The following PNMA2 variants were observed in gnomAD, a reference collection of about 807,000 sequenced individuals.
PNMA2 encodes the protein paraneoplastic antigen Ma2.
For missense variants in PNMA2, 455 were observed against 452.9 expected, an observed-to-expected ratio of 1.00 and a Z score of -0.04; for synonymous variants, 175 against 183.5, an observed-to-expected ratio of 0.95 and a Z score of 0.38.
At position 26,509,805 on chromosome 8, in the gene PNMA2, T is replaced by G. The variant is rs1001587815; in HGVS notation, c.-618-128A>C. Reference sequence around the variant, plus strand: ...CTACTCAATATTAAGTTGCTTTACCTCTTTGATTAACAAAACTAATGAGGA... The same window carrying G: ...CTACTCAATATTAAGTTGCTTTACCGCTTTGATTAACAAAACTAATGAGGA... On this transcript the variant is annotated intron_variant, in intron 1 of 2. Coordinates refer to ENST00000522362, the MANE Select transcript of PNMA2 (RefSeq NM_007257.6). The surrounding 1 kb of genome is among the most constrained non-coding windows in gnomAD (Gnocchi z 5.7). The G allele has an allele frequency of 6.6e-6, 1 of 152,214 alleles. No homozygotes were observed. Among genetic ancestry groups the G allele is most frequent in the Non-Finnish European group, 1.5e-5 (1 of 68,040 alleles). 9.4% of individuals were successfully genotyped at this position (152,214 alleles called of 1,614,324 possible). A position where few individuals can be genotyped will look rare whatever the true frequency, so the allele number is the denominator to read the frequency against.
At chr8:26,510,219 C>G (rs1379552466) in intron 1 of PNMA2, among the ~76,000 whole-genome samples, 2 of 152,198 alleles carry the variant, frequency 1.3e-5, no homozygotes, top group Non-Finnish European at 2.9e-5. Context: ...CTCTTGCTCC[C>G]TTTCTTGCCG....
In PNMA2 at chr8:26,507,796, C is replaced by T. The variant is rs375621804; in HGVS notation, c.960G>A (p.Pro320=). The change falls in exon 3 of 3, where the codon CCG becomes CCA. Residue 320 remains proline, a synonymous_variant. Coordinates refer to ENST00000522362, the MANE Select transcript of PNMA2 (RefSeq NM_007257.6). ...TCATTAGCTCAAGGAAGCTGGGGGG[C>T]GGGCCCTGATCCTTCAGCTCCCTAA... ...CRLRELKDQG[P]PPSFLELMKV... is the part of the protein sequence containing the mutation. 12 of 1,613,552 alleles carry T rather than the reference C, an allele frequency of 7.4e-6. No homozygotes were observed. Among genetic ancestry groups the T allele is most frequent in the Non-Finnish European group, 1.0e-5 (12 of 1,179,840 alleles).
At chr8:26,513,413 C>G (rs1808207018) in intron 1 of PNMA2, among the ~76,000 whole-genome samples, 1 of 151,914 alleles carries the variant, frequency 6.6e-6, no homozygotes, top group Non-Finnish European at 1.5e-5. Context: ...CCCCGTCACC[C>G]CAACCACACC....
At position 26,507,610 on chromosome 8, in the gene PNMA2, T is replaced by A. The variant is rs28619486; in HGVS notation, c.*51A>T. 4,660 of 1,492,458 alleles carry A rather than the reference T, an allele frequency of 3.1e-3. 101 individuals carry two copies. The African/African-American group carries it at 0.053, about 17-fold the overall frequency. 92.5% of individuals were successfully genotyped at this position (1,492,458 alleles called of 1,614,324 possible). On this transcript the variant is annotated 3_prime_UTR_variant, in exon 3 of 3. Coordinates refer to ENST00000522362, the MANE Select transcript of PNMA2 (RefSeq NM_007257.6). ...CAGTCCCATACATTAAAGAAAAAAA[T>A]TTTTTAAAGGTCTTAGCCCACTGGC... is the stretch of plus-strand genomic sequence containing the variant.
In PNMA2 at chr8:26,506,541, TGG is replaced by T. The variant is rs1808047224; in HGVS notation, c.*1118_*1119del. Reference sequence around the variant, plus strand: ...CAGGGCCTGACACAGCACCTAGCTCTGGGACCATCTATCTGACACCTAGCAGA... The same window carrying T: ...CAGGGCCTGACACAGCACCTAGCTCTGACCATCTATCTGACACCTAGCAGA... On this transcript the variant is annotated 3_prime_UTR_variant, in exon 3 of 3. Transcript: ENST00000522362. The surrounding 1 kb of genome is among the most constrained non-coding windows in gnomAD (Gnocchi z 4.4). The T allele has an allele frequency of 6.6e-6, 1 of 152,266 alleles. No homozygotes were observed. Among genetic ancestry groups the T allele is most frequent in the East Asian group, 1.9e-4 (1 of 5,202 alleles). The allele number at this position is 152,266 out of a possible 1,614,324, so 9.4% of individuals were successfully genotyped here. A position where few individuals can be genotyped will look rare whatever the true frequency, so the allele number is the denominator to read the frequency against.
rs1311585784 is a variant in PNMA2, at chr8:26,507,894, G to T, written c.862C>A (p.Arg288Ser). Residue 288 changes from arginine to serine, a missense_variant, in exon 3 of 3, where the codon CGT becomes AGT. Physicochemically the swap from Arg to Ser is moderately radical, Grantham distance 110 (BLOSUM62 -1). Transcript: ENST00000522362. ...TCCAGGCGGACCTGGTCCGCAATAC[G>T]CCGAGGGATGGCGCGTTTCTCCACC... ...RAVEKRAIPR[R>S]IADQVRLEQV... 6.2e-7 allele frequency: 1 copy of T among 1,614,040 alleles called. No individual in the cohort carries two copies. Among genetic ancestry groups the T allele is most frequent in the Non-Finnish European group, 8.5e-7 (1 of 1,180,048 alleles).
chr8:26,512,903 A>C (rs1808187442), intron 1 of PNMA2: 1 of 152,278 alleles, frequency 6.6e-6, no homozygotes, highest in South Asian at 2.1e-4. Flanking sequence ...TTGGCCCCAC[A>C]CAATTCATGG....
In PNMA2 at chr8:26,510,879, G is replaced by A. The variant is rs188793246; in HGVS notation, c.-618-1202C>T. On this transcript the variant is annotated intron_variant, in intron 1 of 2. Coordinates refer to ENST00000522362, the MANE Select transcript of PNMA2 (RefSeq NM_007257.6). ...GTAAAAAAGTTAGAGTTGGCCAGGC[G>A]TGGTGACTCATGCCTGTAATCCCAG... Among the ~76,000 whole-genome samples the A allele has an allele frequency of 4.1e-3, 625 of 152,316 alleles. 2 individuals are homozygous for A. The highest frequency in any genetic ancestry group is 0.014 in the African/African-American group (569 of 41,572).
At position 26,508,771 on chromosome 8, in the gene PNMA2, C is replaced by T. The variant is rs1585478716; in HGVS notation, c.-16G>A. On this transcript the variant is annotated 5_prime_UTR_variant, in exon 3 of 3. Coordinates refer to ENST00000522362, the MANE Select transcript of PNMA2 (RefSeq NM_007257.6). This position sits in a 1 kb window ranked among gnomAD's most constrained non-coding sequence, Gnocchi z 5.5. ...CCAGCGCCATTGTCCTAAGAATTGA[C>T]CCACTCTGACTCTACAGGCACCAAT... 27 of 1,595,652 alleles carry T rather than the reference C, an allele frequency of 1.7e-5. 1 individual carries two copies. In the East Asian group the frequency reaches 5.8e-4, roughly 34 times the overall value.
intron 1 of PNMA2, chr8:26,513,036 C>G (rs1216589253): frequency 6.9e-6 from 1 of 145,760 alleles, no homozygotes; most frequent in Non-Finnish European, 1.5e-5. Context: ...GCAACAGGGG[C>G]GGGGGAACCA....
intron 1 of PNMA2, among the ~76,000 whole-genome samples, chr8:26,510,053 T>C (rs1404684569): frequency 1.3e-5 from 2 of 152,200 alleles, no homozygotes; most frequent in African/African-American, 4.8e-5. Context: ...TGATCCCCAG[T>C]GTTGGAGGTG....
At position 26,508,814 on chromosome 8, in the gene PNMA2, A is replaced by G. The variant is rs1808099314; in HGVS notation, c.-59T>C. On this transcript the variant is annotated 5_prime_UTR_variant, in exon 3 of 3. Transcript: ENST00000522362. The surrounding 1 kb of genome is among the most constrained non-coding windows in gnomAD (Gnocchi z 5.5). ...GCACCAATTTGTTAGTGGTGCAGCT[A>G]TGCACTGACTTAATATTGAAAATAT... is the stretch of plus-strand genomic sequence containing the variant. The G allele has an allele frequency of 1.9e-6, 3 of 1,545,720 alleles. No individual in the cohort carries two copies. Among genetic ancestry groups the G allele is most frequent in the Admixed American group, 2.0e-5 (1 of 49,046 alleles).
intron 1 of PNMA2, among the ~76,000 whole-genome samples, chr8:26,512,033 C>T (rs770696849): frequency 7.9e-5 from 12 of 152,152 alleles, no homozygotes; most frequent in South Asian, 2.1e-4. Flanking sequence ...TATCTGGATA[C>T]GGTAGAAATA....
intron 1 of PNMA2, chr8:26,512,903 A>G (rs1808187442): frequency 6.6e-6 from 1 of 152,278 alleles, no homozygotes. Context: ...TTGGCCCCAC[A>G]CAATTCATGG....
rs767070378 is a variant in PNMA2, at chr8:26,508,134, C to G, written c.622G>C (p.Glu208Gln). 1 of 1,614,240 alleles carries G rather than the reference C, an allele frequency of 6.2e-7. No individual in the cohort carries two copies. The highest frequency in any genetic ancestry group is 8.5e-7 in the Non-Finnish European group (1 of 1,180,044). Residue 208 changes from glutamate to glutamine, a missense_variant, in exon 3 of 3, where the codon GAA becomes CAA. Coordinates refer to ENST00000522362, the MANE Select transcript of PNMA2 (RefSeq NM_007257.6). This position sits in a 1 kb window ranked among gnomAD's most constrained non-coding sequence, Gnocchi z 5.5. ...TCCAGGGCAGGGCCCCGCAGGCTTTCCGCCAGCCACCTTTTCTTTTCTGCC... is the reference window on the plus strand; with the variant it reads ...TCCAGGGCAGGGCCCCGCAGGCTTTGCGCCAGCCACCTTTTCTTTTCTGCC... ...TEAEKKRWLA[E>Q]SLRGPALDLM...
In PNMA2 at chr8:26,508,555, T is replaced by C. The variant is rs1808092936; in HGVS notation, c.201A>G (p.Leu67=). 6.2e-7 allele frequency: 1 copy of C among 1,614,108 alleles called. No individual in the cohort carries two copies. The highest frequency in any genetic ancestry group is 1.1e-5 in the South Asian group (1 of 91,090). Reference sequence around the variant, plus strand: ...AGACATCAGTATCTTCCAGAAGCTCTAGTAAGACAGCATTGGCATTCTCCT... The same window carrying C: ...AGACATCAGTATCTTCCAGAAGCTCCAGTAAGACAGCATTGGCATTCTCCT... ...RKQENANAVL[L]ELLEDTDVSA... Residue 67 remains leucine (L), a synonymous_variant, in exon 3 of 3, where the codon CTA becomes CTG. Coordinates refer to ENST00000522362, the MANE Select transcript of PNMA2 (RefSeq NM_007257.6). The surrounding 1 kb of genome is among the most constrained non-coding windows in gnomAD (Gnocchi z 5.5).
At chr8:26,510,529 C>T (rs2117582935) in intron 1 of PNMA2, among the ~76,000 whole-genome samples, 1 of 150,576 alleles carries the variant, frequency 6.6e-6, no homozygotes, top group South Asian at 2.1e-4. Flanking sequence ...CTGTAGTAGC[C>T]TTGATCTCTC....
chr8:26,508,157 G>T lies in PNMA2; in HGVS notation c.599C>A (p.Ala200Glu), dbSNP rs961030504. 2 of 1,614,196 alleles carry T rather than the reference G, an allele frequency of 1.2e-6. No homozygotes were observed. ...TTCCGCCAGCCACCTTTTCTTTTCT[G>T]CCTCTGTTACTGGCCACTCTTTGAC... ...EIVKEWPVTE[A>E]EKKRWLAESL... Residue 200 changes from alanine (A) to glutamate (E), a missense_variant, in exon 3 of 3, where the codon GCA becomes GAA. Physicochemically the swap from Ala to Glu is moderately radical, Grantham distance 107. Coordinates refer to ENST00000522362, the MANE Select transcript of PNMA2 (RefSeq NM_007257.6). This position sits in a 1 kb window ranked among gnomAD's most constrained non-coding sequence, Gnocchi z 5.5.
chr8:26,507,732 C>G lies in PNMA2; in HGVS notation c.1024G>C (p.Glu342Gln). 1 of 1,608,764 alleles carries G rather than the reference C, an allele frequency of 6.2e-7. No individual in the cohort carries two copies. Among genetic ancestry groups the G allele is most frequent in the Non-Finnish European group, 8.5e-7 (1 of 1,177,760 alleles). Residue 342 changes from glutamate to glutamine, a missense_variant, in exon 3 of 3, where the codon GAG becomes CAG. Transcript: ENST00000522362. ...REEEEEEASFENESIEEPEER... is the reference protein window; with the variant it reads ...REEEEEEASFQNESIEEPEER... ...TCTGGCTCTTCGATACTCTCATTCT[C>G]AAAGGAGGCCTCTTCCTCCTCTTCT...
Sources: gnomAD v4.1 joint callset for allele counts (sites outside exome capture counted in the v4.1 genomes callset) on GRCh38, gnomAD v4.1.1 for gene constraint, Gnocchi (gnomAD v3.1) non-coding constraint, MANE v1.5 for transcripts, NCBI Gene and HGNC (gene_info 2026-07-23, HGNC 2026-07-21) for gene names.